Variants in ADGRE2 observed in about 807,000 individuals in gnomAD.
ADGRE2 encodes the protein adhesion G protein-coupled receptor E2.
In ADGRE2, 83 loss-of-function variants were observed where a neutral mutation model predicts 100.8. The ratio of observed to expected loss-of-function variants is 0.82; its 90% confidence interval spans 0.69 to 0.99. The LOEUF is 0.99. Ranked by LOEUF, ADGRE2 falls within the 50% of genes least tolerant of loss-of-function variation. ADGRE2 has a pLI of 0.00. For synonymous variants in ADGRE2, 355 were observed against 413.0 expected (o/e 0.86, Z 1.70); for missense variants, 814 against 1,035.7 (o/e 0.79, Z 2.94).
Position 14,757,762 on chromosome 19 carries a change from CAG to C in ADGRE2, c.1085-1419_1085-1418del, listed in dbSNP as rs561701292. 1.3e-3 allele frequency among the ~76,000 whole-genome samples: 193 copies of C among 152,238 alleles called. 1 individual carries two copies. Among genetic ancestry groups the C allele is most frequent in the Non-Finnish European group, 2.3e-3 (156 of 68,014 alleles). On this transcript the variant is annotated intron_variant, in intron 11 of 20. Transcript: ENST00000315576. ...TAAAACTAGAACACTTAGGAGGAAA[CAG>C]GGGTAAATCTTCCTGGTCTTGGATG... is the stretch of plus-strand genomic sequence containing the variant.
chr19:14,755,027 C>G lies in ADGRE2; in HGVS notation c.1517G>C (p.Arg506Thr). ...GCAACGGCAGATGGTGCTGGTGTCT[C>G]TGGTGCCTATTGTGCTGCAGCCTGT... ...ATTGCSTIGT[R>T]DTSTICRCTH... The change falls in exon 14 of 21, where the codon AGA becomes ACA. Residue 506 changes from arginine to threonine, a missense_variant. Arg to Thr is a moderately conservative substitution (Grantham distance 71). Transcript: ENST00000315576. 1 of 1,614,174 alleles carries G rather than the reference C, an allele frequency of 6.2e-7. No individual in the cohort carries two copies. Among genetic ancestry groups the G allele is most frequent in the Non-Finnish European group, 8.5e-7 (1 of 1,180,040 alleles).
At chr19:14,749,294 TATATGTAATTATATATGATATATAC>T (rs75694533) in intron 16 of ADGRE2, among the ~76,000 whole-genome samples, 44,337 of 140,748 alleles carry the variant, frequency 0.32, 7,347 homozygotes, top group Non-Finnish European at 0.38. Context: ...CTTATATAAT[TATATGTAATTATATATGATATATAC>T]ATATATAATA....
chr19:14,751,701 G>A (rs970696947), intron 15 of ADGRE2, 30 bp from the exon 16 acceptor site: 11 of 1,572,580 alleles, frequency 7.0e-6, no homozygotes, highest in East Asian at 4.5e-5. Flanking sequence ...CGCCCAGAGC[G>A]GCGATCAGAT....
downstream of ADGRE2, among the ~76,000 whole-genome samples, chr19:14,727,661 T>C (rs1344306518): frequency 6.6e-6 from 1 of 152,168 alleles, no homozygotes; most frequent in Non-Finnish European, 1.5e-5. Flanking sequence ...CAGTGTGAGA[T>C]TTGGAGGGGA....
chr19:14,743,736 C>A lies in ADGRE2; in HGVS notation c.2232G>T (p.Thr744=). The change falls in exon 19 of 21, where the codon ACG becomes ACT. Residue 744 remains threonine, a synonymous_variant. Transcript: ENST00000315576. ...CCACCTGCAAGATGCCCAGACACCA[C>A]GTGCAGCCCAGGATGAACAGCTGAG... is the stretch of plus-strand genomic sequence containing the variant. ...ATAQLFILGC[T]WCLGILQVGP... 6.2e-7 allele frequency: 1 copy of A among 1,614,182 alleles called. No homozygotes were observed. Among genetic ancestry groups the A allele is most frequent in the South Asian group, 1.1e-5 (1 of 91,082 alleles).
At chr19:14,766,127 C>G (rs1373103518) in intron 7 of ADGRE2, 108 bp downstream of exon 7, 1 of 1,567,660 alleles carries the variant, frequency 6.4e-7, no homozygotes, top group Non-Finnish European at 8.7e-7. Context: ...GAACGCCTGA[C>G]ACAGTCGGGC....
At chr19:14,728,499 C>T (rs2042647863), downstream of ADGRE2, among the ~76,000 whole-genome samples, 1 of 152,060 alleles carries the variant, frequency 6.6e-6, no homozygotes, top group East Asian at 1.9e-4. Flanking sequence ...GAAACTTTGT[C>T]TTATGTTTAG....
chr19:14,764,467 A>G lies in ADGRE2; in HGVS notation c.1050T>C (p.Asn350=). 1.9e-6 allele frequency: 3 copies of G among 1,613,188 alleles called. No homozygotes were observed. Among genetic ancestry groups the G allele is most frequent in the Non-Finnish European group, 2.5e-6 (3 of 1,179,982 alleles). Residue 350 remains asparagine (N), a synonymous_variant, in exon 11 of 21, where the codon AAT becomes AAC. Coordinates refer to ENST00000315576, the MANE Select transcript of ADGRE2 (RefSeq NM_013447.4). The part of the protein sequence containing the change: ...VLRGLSKNLS[N]GLLNFSYPAG... ...CAGGATAACTGAAGTTCAACAGCCC[A>G]TTGGAAAGGTTCTTGCTCAGGCCTC...
intron 10 of ADGRE2, 108 bp downstream of exon 10, chr19:14,765,206 GACCAGC>G: frequency 1.9e-6 from 2 of 1,071,530 alleles, no homozygotes; most frequent in Non-Finnish European, 2.8e-6. Context: ...CTGGGAGTCA[GACCAGC>G]ACCCACTGCA....
chr19:14,764,390 A>G (rs73926670), intron 11 of ADGRE2, 43 bp downstream of exon 11: 2 of 1,602,424 alleles, frequency 1.2e-6, no homozygotes, highest in African/African-American at 1.3e-5. Flanking sequence ...AAGGAGACAG[A>G]AAACATGCAG....
chr19:14,739,999 G>C (rs2042878854), intron 20 of ADGRE2, among the ~76,000 whole-genome samples: 1 of 152,014 alleles, frequency 6.6e-6, no homozygotes, highest in Non-Finnish European at 1.5e-5. Flanking sequence ...TACTCGGGAG[G>C]CTGAGGCACG....
intron 10 of ADGRE2, among the ~76,000 whole-genome samples, chr19:14,764,931 C>T (rs1489393338): frequency 3.9e-5 from 6 of 152,020 alleles, no homozygotes; most frequent in African/African-American, 9.7e-5. Context: ...GGAGGAGAAT[C>T]GCTTGAACCC....
At chr19:14,751,337 G>T in intron 16 of ADGRE2, 99 bp downstream of exon 16, 2 of 816,692 alleles carry the variant, frequency 2.4e-6, no homozygotes, top group Non-Finnish European at 4.1e-6. Context: ...AATCCCTACT[G>T]ATCTAATTAA....
At chr19:14,743,274 G>C (rs1036890955) in intron 20 of ADGRE2, 146 bp downstream of exon 20, 2 of 698,926 alleles carry the variant, frequency 2.9e-6, no homozygotes, top group Non-Finnish European at 5.2e-6. Context: ...TGAGATCATT[G>C]CTAATGGTTA....
At chr19:14,772,633 G>A (rs1599882381) in intron 4 of ADGRE2, 136 bp from the exon 5 acceptor site, 1 of 1,032,586 alleles carries the variant, frequency 9.7e-7, no homozygotes, top group Non-Finnish European at 1.4e-6. Flanking sequence ...CACTGCACAG[G>A]CTATGCTGCA....
rs2044504989 is a variant in ADGRE2, at chr19:14,778,482, C to T, written c.-397G>A. The T allele has an allele frequency of 1.1e-6, 1 of 933,290 alleles. No individual in the cohort carries two copies. Among genetic ancestry groups the T allele is most frequent in the Admixed American group, 6.2e-5 (1 of 16,214 alleles). 57.8% of individuals were successfully genotyped at this position (933,290 alleles called of 1,614,324 possible). A position where few individuals can be genotyped will look rare whatever the true frequency, so the allele number is the denominator to read the frequency against. ...AAAGCCCAGGGAGGGAGAAGGGGCCCTCTTCCGATGCCAGGCAGGTGCCAA... is the reference window on the plus strand; with the variant it reads ...AAAGCCCAGGGAGGGAGAAGGGGCCTTCTTCCGATGCCAGGCAGGTGCCAA... On this transcript the variant is annotated 5_prime_UTR_variant, in exon 1 of 21. Transcript: ENST00000315576.
chr19:14,743,689 G>A lies in ADGRE2; in HGVS notation c.2279C>T (p.Ala760Val). Reference protein sequence around the residue: ...LQVGPAARVMAYLFTIINSLQ... With the variant: ...LQVGPAARVMVYLFTIINSLQ... ...GCTGTTGATGATGGTGAAGAGGTAG[G>A]CCATGACCCGGGCAGCCGGACCCAC... Residue 760 changes from alanine (A) to valine (V), a missense_variant, in exon 19 of 21, where the codon GCC (alanine) becomes GTC (valine). By Grantham distance (64) the Ala-to-Val change is moderately conservative (BLOSUM62 0). Transcript: ENST00000315576. 6.2e-7 allele frequency: 1 copy of A among 1,614,148 alleles called. No homozygotes were observed. Among genetic ancestry groups the A allele is most frequent in the Non-Finnish European group, 8.5e-7 (1 of 1,180,000 alleles).
intron 20 of ADGRE2, among the ~76,000 whole-genome samples, chr19:14,739,051 C>G (rs928615284): frequency 6.7e-6 from 1 of 149,166 alleles, no homozygotes; most frequent in African/African-American, 2.5e-5. Context: ...TTTACTGCAA[C>G]CTCTGCCTCC....
the ADGRE2 span, among the ~76,000 whole-genome samples, chr19:14,725,079 C>T: frequency 7.9e-5 from 12 of 152,104 alleles, no homozygotes; most frequent in Admixed American, 2.6e-4. Flanking sequence ...CAGCTTCTGG[C>T]GAGGGCCTCA....
Sources: allele counts gnomAD v4.1 joint callset (sites outside exome capture counted in the v4.1 genomes callset), GRCh38; gene constraint gnomAD v4.1.1; transcripts MANE v1.5; gene names NCBI Gene and HGNC (gene_info 2026-07-23, HGNC 2026-07-21).